Variants in PTER observed in about 807,000 individuals in gnomAD.
PTER encodes N-acetyltaurine hydrolase.
PTER carries 38 observed loss-of-function variants against 29.6 expected under a neutral mutation model. That is an observed-to-expected ratio of 1.28 (90% CI 0.99 to 1.68). The LOEUF (loss-of-function observed/expected upper bound fraction) is 1.68. Among genes scored for constraint, PTER ranks in the 40% most tolerant of loss-of-function variants. The pLI is 0.00. For missense variants in PTER, 482 were observed against 427.8 expected, an observed-to-expected ratio of 1.13 and a Z score of -1.12; for synonymous variants, 172 against 154.5, an observed-to-expected ratio of 1.11 and a Z score of -0.84.
At chr10:16,491,448 A>G in intron 3 of PTER, among the ~76,000 whole-genome samples, 1 of 152,194 alleles carries the variant, frequency 6.6e-6, no homozygotes, top group Non-Finnish European at 1.5e-5. Flanking sequence ...TGAGGTCTGC[A>G]GGGCTGTGCA....
intron 4 of PTER, among the ~76,000 whole-genome samples, chr10:16,506,303 G>A (rs901490324): frequency 6.6e-6 from 1 of 152,062 alleles, no homozygotes; most frequent in Non-Finnish European, 1.5e-5. Flanking sequence ...CAAGGAGATG[G>A]GTCTGGAGTT....
intron 1 of PTER, among the ~76,000 whole-genome samples, chr10:16,470,142 C>T (rs1487720513): frequency 2.0e-5 from 3 of 152,164 alleles, no homozygotes; most frequent in African/African-American, 7.2e-5. Context: ...GTTGGAATTG[C>T]AGCCTTTCAG....
intron 1 of PTER, among the ~76,000 whole-genome samples, chr10:16,467,400 A>G (rs1037648133): frequency 2.6e-5 from 4 of 152,132 alleles, no homozygotes; most frequent in African/African-American, 7.2e-5. Context: ...CCTGGAACAG[A>G]TTTTCTTTGG....
chr10:16,513,950 AAATCC>A, downstream of PTER: 1 of 198,748 alleles, frequency 5.0e-6, no homozygotes, highest in Non-Finnish European at 1.0e-5. Flanking sequence ...GAATTCCCTC[AAATCC>A]AGAAAATTCC....
intron 1 of PTER, among the ~76,000 whole-genome samples, chr10:16,457,456 G>A (rs1016629062): frequency 1.3e-5 from 2 of 151,980 alleles, no homozygotes; most frequent in Non-Finnish European, 2.9e-5. Context: ...CTCGTGATCC[G>A]CCCGTCTCGG....
At chr10:16,516,052 A>G (rs112225778), downstream of PTER, among the ~76,000 whole-genome samples, 1,810 of 152,314 alleles carry the variant, frequency 0.012, 30 homozygotes, top group African/African-American at 0.041. Context: ...TGTTAAAAAA[A>G]GAAGACTCTT....
intron 1 of PTER, among the ~76,000 whole-genome samples, chr10:16,445,882 C>T (rs1833996116): frequency 1.3e-5 from 2 of 152,224 alleles, no homozygotes; most frequent in East Asian, 1.9e-4. Context: ...GTCCTCTCAG[C>T]CTCCATATCT....
downstream of PTER, among the ~76,000 whole-genome samples, chr10:16,516,270 G>T (rs762148772): frequency 9.2e-5 from 14 of 152,096 alleles, no homozygotes; most frequent in Admixed American, 9.2e-4. Context: ...AAAGTGGTCC[G>T]TTTTGACCAT....
In PTER at chr10:16,490,100, C is replaced by T. The variant is rs149054970; in HGVS notation, c.698+3483C>T. 4.7e-3 allele frequency among the ~76,000 whole-genome samples: 719 copies of T among 152,288 alleles called. 3 individuals are homozygous for T. Among genetic ancestry groups the T allele is most frequent in the Non-Finnish European group, 7.5e-3 (509 of 68,020 alleles). On this transcript the variant is annotated intron_variant, in intron 3 of 4. Transcript: ENST00000535784. Reference sequence around the variant, plus strand: ...TAACCCACTGAACACTACAGCTTAACGTAGTCTACCTTAAACATGCTCAGA... The same window carrying T: ...TAACCCACTGAACACTACAGCTTAATGTAGTCTACCTTAAACATGCTCAGA...
At position 16,511,055 on chromosome 10, in the gene PTER, C is replaced by G; in HGVS notation, c.849C>G (p.Leu283=). 1.9e-6 allele frequency: 3 copies of G among 1,612,950 alleles called. No individual in the cohort carries two copies. Among genetic ancestry groups the G allele is most frequent in the East Asian group, 2.2e-5 (1 of 44,840 alleles). ...DDNKRIRRVR[L]LVEEGCEDRI... ...TTAACATTTTTCACAGGGTGCGTCT[C>G]CTGGTGGAAGAGGGCTGTGAAGATC... Residue 283 remains leucine, a synonymous_variant, in exon 5 of 5, where the codon CTC becomes CTG. Coordinates refer to ENST00000535784, the MANE Select transcript of PTER (RefSeq NM_001261836.2).
intron 1 of PTER, among the ~76,000 whole-genome samples, chr10:16,475,594 C>G (rs1835230981): frequency 6.6e-6 from 1 of 152,150 alleles, no homozygotes; most frequent in Admixed American, 6.6e-5. Flanking sequence ...CCGACCAGCT[C>G]TGGTACAGGG....
chr10:16,516,944 C>T (rs1836961098), downstream of PTER, among the ~76,000 whole-genome samples: 1 of 152,158 alleles, frequency 6.6e-6, no homozygotes, highest in Non-Finnish European at 1.5e-5. Context: ...TGCCATACTC[C>T]AGTGTACCTG....
chr10:16,472,539 G>A lies in PTER; in HGVS notation c.-48-11798G>A, dbSNP rs7916882. Among the ~76,000 whole-genome samples, 8 of 152,008 alleles carry A rather than the reference G, an allele frequency of 5.3e-5. No individual in the cohort carries two copies. In the East Asian group the frequency reaches 9.7e-4, roughly 18 times the overall value. On this transcript the variant is annotated intron_variant, in intron 1 of 4. Transcript: ENST00000535784. ...GTCATGGCTTTGTTCCTCATTTGCC[G>A]TCCGCCATGATTGAGAGTCCTCCCC...
At chr10:16,493,292 T>C (rs1184218864) in intron 3 of PTER, among the ~76,000 whole-genome samples, 4 of 152,228 alleles carry the variant, frequency 2.6e-5, no homozygotes, top group Non-Finnish European at 5.9e-5. Context: ...AAACTGAAAC[T>C]GAGCAAAACA....
In PTER at chr10:16,484,748, A is replaced by G. The variant is rs753911130; in HGVS notation, c.364A>G (p.Ile122Val). 15 of 1,613,856 alleles carry G rather than the reference A, an allele frequency of 9.3e-6. No homozygotes were observed. The Admixed American group carries it at 2.5e-4, about 27-fold the overall frequency. ...RLAEETGVHI[I>V]SGAGFYVDAT... is the part of the protein sequence containing the mutation. ...TGCAGAAGAGACTGGCGTCCATATC[A>G]TATCTGGAGCCGGGTTTTATGTGGA... Residue 122 changes from isoleucine (I) to valine (V), a missense_variant, in exon 2 of 5, where the codon ATA becomes GTA. By Grantham distance (29) the Ile-to-Val change is conservative. Coordinates refer to ENST00000535784, the MANE Select transcript of PTER (RefSeq NM_001261836.2).
chr10:16,480,514 TA>T (rs1835439799), intron 1 of PTER, among the ~76,000 whole-genome samples: 1 of 152,076 alleles, frequency 6.6e-6, no homozygotes, highest in Middle Eastern at 3.2e-3. Flanking sequence ...CCATTGCATT[TA>T]AAATTGTTAG....
chr10:16,511,098 G>A lies in PTER; in HGVS notation c.892G>A (p.Asp298Asn), dbSNP rs781325382. The change falls in exon 5 of 5, where the codon GAC becomes AAC. Residue 298 changes from aspartate (D) to asparagine (N), a missense_variant. Coordinates refer to ENST00000535784, the MANE Select transcript of PTER (RefSeq NM_001261836.2). The part of the protein sequence containing the change: ...GCEDRILVAH[D>N]IHTKTRLMKY... ...TGAAGATCGAATTCTGGTAGCACAT[G>A]ACATACATACGAAAACCCGGCTGAT... 5 of 1,613,930 alleles carry A rather than the reference G, an allele frequency of 3.1e-6. No individual in the cohort carries two copies. Among genetic ancestry groups the A allele is most frequent in the East Asian group, 2.2e-5 (1 of 44,888 alleles).
chr10:16,509,902 G>C (rs751284463), intron 4 of PTER, among the ~76,000 whole-genome samples: 1 of 152,098 alleles, frequency 6.6e-6, no homozygotes, highest in African/African-American at 2.4e-5. Context: ...TGTTCTCAGA[G>C]GGCAGGGCTT....
At position 16,449,136 on chromosome 10, in the gene PTER, G is replaced by A. The variant is rs568161823; in HGVS notation, c.-49+12089G>A. On this transcript the variant is annotated intron_variant, in intron 1 of 4. Coordinates refer to ENST00000535784, the MANE Select transcript of PTER (RefSeq NM_001261836.2). The stretch of plus-strand genomic sequence containing the variant: ...GGCACTAATCTCTGCAGTCCCTCCA[G>A]GGATGCAATATTGTTTTTGATTTAC... 1.2e-4 allele frequency among the ~76,000 whole-genome samples: 18 copies of A among 152,316 alleles called. No individual in the cohort carries two copies. In the East Asian group the frequency reaches 3.5e-3, roughly 29 times the overall value.
Sources: gnomAD v4.1 joint callset for allele counts (sites outside exome capture counted in the v4.1 genomes callset) on GRCh38, gnomAD v4.1.1 for gene constraint, MANE v1.5 for transcripts, NCBI Gene and HGNC (gene_info 2026-07-23, HGNC 2026-07-21) for gene names.